The following ZNF717 variants were observed in gnomAD, a reference collection of about 807,000 sequenced individuals.
ZNF717 encodes the protein zinc finger protein 717.
A neutral mutation model predicts 13.8 loss-of-function variants in ZNF717; 9 were observed. The observed-to-expected ratio is 0.65, with a 90% CI of 0.39 to 1.14. ZNF717 has a LOEUF of 1.14. ZNF717 is among the 50% of genes most tolerant of loss of function. ZNF717 has a pLI of 0.01. For synonymous variants in ZNF717, 327 were observed against 364.1 expected (o/e 0.90, Z 1.16); for missense variants, 1,040 against 1,080.7 (o/e 0.96, Z 0.53).
intron 2 of ZNF717, among the ~76,000 whole-genome samples, chr3:75,761,561 G>A (rs568639721): frequency 3.8e-4 from 58 of 152,370 alleles, no homozygotes; most frequent in Admixed American, 1.6e-3. Flanking sequence ...TAAAAAGCAT[G>A]CAAATTGGAA....
Position 75,737,670 on chromosome 3 carries a change from T to C in ZNF717, c.1953A>G (p.Glu651=), listed in dbSNP as rs1264324982. The C allele has an allele frequency of 5.1e-6, 3 of 583,248 alleles. No homozygotes were observed. In the Admixed American group the frequency reaches 1.6e-4, roughly 31 times the overall value. The allele number at this position is 583,248 out of a possible 1,614,324, so 36.1% of individuals were successfully genotyped here. The change falls in exon 5 of 5, where the codon GAA becomes GAG. Residue 651 remains glutamate (E), a synonymous_variant. Coordinates refer to ENST00000652011, the MANE Select transcript of ZNF717 (RefSeq NM_001290208.3). The stretch of plus-strand genomic sequence containing the variant: ...ACTTGCGATGAAAGGTTTTTCCACA[T>C]TCATTACATACGTAAGGTTTCTCTC... ...HTGEKPYVCN[E]CGKTFHRKSF...
At chr3:75,730,629 A>G (rs2106902965) in intron 5 of ZNF717, 1 of 702,288 alleles carries the variant, frequency 1.4e-6, no homozygotes, top group Admixed American at 2.0e-5. Context: ...CTGGAGATAA[A>G]AGATTTTGAA....
At chr3:75,779,613 C>G (rs1040549855) in intron 2 of ZNF717, among the ~76,000 whole-genome samples, 1 of 143,904 alleles carries the variant, frequency 6.9e-6, no homozygotes, top group Non-Finnish European at 1.5e-5. Flanking sequence ...GAGAGATGTG[C>G]TAAACAGGAA....
chr3:75,695,207 G>A (rs1373751919), intron 6 of ZNF717, among the ~76,000 whole-genome samples: 3 of 152,278 alleles, frequency 2.0e-5, no homozygotes, highest in Non-Finnish European at 4.4e-5. Context: ...GACAAACATA[G>A]ATTTCAACAA....
intron 2 of ZNF717, among the ~76,000 whole-genome samples, chr3:75,743,314 T>G (rs78735603): frequency 0.019 from 1,870 of 97,242 alleles, no homozygotes; most frequent in Middle Eastern, 0.036. Context: ...CAGATGCTCT[T>G]CACAGAGACA....
At chr3:75,783,754 T>C (rs1944978872) in intron 1 of ZNF717, among the ~76,000 whole-genome samples, 1 of 152,272 alleles carries the variant, frequency 6.6e-6, no homozygotes, top group African/African-American at 2.4e-5. Context: ...ATATGTGGAT[T>C]CCACAAATAA....
chr3:75,753,773 G>A (rs1431188791), intron 2 of ZNF717, among the ~76,000 whole-genome samples: 1 of 141,068 alleles, frequency 7.1e-6, no homozygotes, highest in African/African-American at 2.7e-5. Context: ...CACTTCTGCT[G>A]TGGTCTGATA....
intron 1 of ZNF717, among the ~76,000 whole-genome samples, chr3:75,784,545 T>C (rs1404361848): frequency 6.6e-6 from 1 of 152,124 alleles, no homozygotes; most frequent in African/African-American, 2.4e-5. Context: ...GGGACTGTGT[T>C]TGGAGAGTAT....
At chr3:75,762,047 CCA>C (rs1943069314) in intron 2 of ZNF717, among the ~76,000 whole-genome samples, 1 of 139,336 alleles carries the variant, frequency 7.2e-6, no homozygotes, top group Non-Finnish European at 1.6e-5. Context: ...GAGTGAGACG[CCA>C]TCTCAAAAAA....
At chr3:75,710,821 T>C (rs1412464809) in exon 6 of ZNF717, 1 of 152,168 alleles carries the variant, frequency 6.6e-6, no homozygotes, top group African/African-American at 2.4e-5. Context: ...TACATGTAGA[T>C]AACAAGAACT....
intron 2 of ZNF717, among the ~76,000 whole-genome samples, chr3:75,749,960 A>C (rs796466478): frequency 1.4e-5 from 2 of 148,028 alleles, no homozygotes; most frequent in African/African-American, 5.0e-5. Flanking sequence ...TACTGCTACG[A>C]GGGTCTGAAT....
intron 4 of ZNF717, among the ~76,000 whole-genome samples, chr3:75,740,570 ATTTTT>A (rs63657763): frequency 7.1e-4 from 89 of 124,696 alleles, no homozygotes; most frequent in African/African-American, 2.6e-3. Flanking sequence ...GTACTCAGCT[ATTTTT>A]TTTTTTTTTT....
chr3:75,770,695 C>T (rs1943815202), intron 2 of ZNF717, among the ~76,000 whole-genome samples: 1 of 152,212 alleles, frequency 6.6e-6, no homozygotes, highest in Non-Finnish European at 1.5e-5. Context: ...GGTAGTAATA[C>T]CATACACATA....
At position 75,765,011 on chromosome 3, in the gene ZNF717, A is replaced by ATGTG. The variant is rs1559661726; in HGVS notation, c.57+18294_57+18295insCACA. On this transcript the variant is annotated intron_variant, in intron 2 of 4. Transcript: ENST00000652011. ...AAAGGATATATATATATATATATAT[A>ATGTG]TATATATATATATATATATGTATAT... is the stretch of plus-strand genomic sequence containing the variant. Among the ~76,000 whole-genome samples the ATGTG allele has an allele frequency of 3.2e-4, 6 of 18,766 alleles. 1 individual carries two copies. The highest frequency in any genetic ancestry group is 9.0e-4 in the African/African-American group (6 of 6,690). The allele number at this position is 18,766 out of a possible 152,430, so 12.3% of individuals were successfully genotyped here.
intron 2 of ZNF717, among the ~76,000 whole-genome samples, chr3:75,759,508 A>G (rs56706607): frequency 3.3e-5 from 5 of 152,092 alleles, no homozygotes. Context: ...ATCTCCTGAC[A>G]TGATCTGCCT....
intron 2 of ZNF717, among the ~76,000 whole-genome samples, chr3:75,763,355 C>T (rs1390766758): frequency 1.3e-5 from 2 of 152,184 alleles, no homozygotes; most frequent in South Asian, 4.1e-4. Flanking sequence ...CAAATTCAAA[C>T]ACCTGAGTCT....
intron 2 of ZNF717, among the ~76,000 whole-genome samples, chr3:75,743,344 A>G (rs1940715087): frequency 6.6e-6 from 1 of 152,232 alleles, no homozygotes; most frequent in African/African-American, 2.4e-5. Flanking sequence ...TTTTGTGGGA[A>G]TATTTTCAAT....
chr3:75,741,305 A>T lies in ZNF717; in HGVS notation c.248T>A (p.Val83Glu), dbSNP rs1467705222. 1.3e-6 allele frequency: 2 copies of T among 1,549,180 alleles called. No individual in the cohort carries two copies. The highest frequency in any genetic ancestry group is 2.0e-5 in the Admixed American group (1 of 50,998). Residue 83 changes from valine (V) to glutamate (E), a missense_variant, in exon 4 of 5, where the codon GTA becomes GAA. Transcript: ENST00000652011. ...AAGTCTCAGGTTTGGGGTTTCTTCT[A>T]CTATCCATGGCTCTGCTCCTTGCTC... ...KLEQGAEPWI[V>E]EETPNLRLSA...
intron 2 of ZNF717, among the ~76,000 whole-genome samples, chr3:75,759,823 C>G (rs1373346924): frequency 6.6e-6 from 1 of 152,124 alleles, no homozygotes; most frequent in Non-Finnish European, 1.5e-5. Context: ...CCCACCTCAG[C>G]CTCCCAAAGT....
Sources: gnomAD v4.1 joint callset for allele counts (sites outside exome capture counted in the v4.1 genomes callset) on GRCh38, gnomAD v4.1.1 for gene constraint, MANE v1.5 for transcripts, NCBI Gene and HGNC (gene_info 2026-07-23, HGNC 2026-07-21) for gene names.